VWCE: variants seen among roughly 807,000 people sequenced by gnomAD.
VWCE encodes von Willebrand factor C and EGF domain-containing protein.
In VWCE, 68 loss-of-function variants were observed where a neutral mutation model predicts 102.9. The ratio of observed to expected loss-of-function variants is 0.66; its 90% CI spans 0.54 to 0.81. VWCE has a LOEUF of 0.81. VWCE is among the 30% of genes least tolerant of loss of function. The probability of loss-of-function intolerance (pLI) is 0.00; values close to 1 mark genes in which losing one functional copy is unlikely to be tolerated. For synonymous variants in VWCE, 497 were observed against 515.4 expected (o/e 0.96, Z 0.48); for missense variants, 1,137 against 1,263.6 (o/e 0.90, Z 1.52).
rs770412521 is a variant in VWCE at position 61,290,883 on chromosome 11, T to G, written c.340A>C (p.Asn114His). ...GCCACCTCCTGACAGCCTCCATGGT[T>G]GCAGGTAAGGTCACAGCCGTACTCC... is the stretch of plus-strand genomic sequence containing the variant. ...CGEYGCDLTC[N>H]HGGCQEVARV... The change falls in exon 4 of 20, where the codon AAC (asparagine) becomes CAC (histidine). Residue 114 changes from asparagine (N) to histidine (H), a missense_variant. Coordinates refer to ENST00000335613, the MANE Select transcript of VWCE (RefSeq NM_152718.2). 3.1e-6 allele frequency: 5 copies of G among 1,613,820 alleles called. No individual in the cohort carries two copies. The highest frequency in any genetic ancestry group is 4.2e-6 in the Non-Finnish European group (5 of 1,180,028).
At position 61,276,528 on chromosome 11, in the gene VWCE, T is replaced by C. The variant is rs558359129; in HGVS notation, c.1495+65A>G. On this transcript the variant is annotated intron_variant, in intron 11 of 19. Transcript: ENST00000335613. ...AGGCTCAACACCAGCCTGGGCAACA[T>C]AGTGAGGTCTACAAAAAATCTAAAA... The C allele has an allele frequency of 4.3e-5, 51 of 1,194,832 alleles. No homozygotes were observed. The East Asian group carries it at 1.3e-3, about 31-fold the overall frequency. 74.0% of individuals were successfully genotyped at this position (1,194,832 alleles called of 1,614,324 possible). A position where few individuals can be genotyped will look rare whatever the true frequency, so the allele number is the denominator to read the frequency against.
intron 11 of VWCE, among the ~76,000 whole-genome samples, chr11:61,276,281 G>A (rs921553081): frequency 3.9e-5 from 6 of 151,914 alleles, no homozygotes; most frequent in African/African-American, 7.3e-5. Context: ...GGCAGCAGGC[G>A]CCTGTAATCC....
Position 61,294,800 on chromosome 11 carries a change from G to A in VWCE, c.110+128C>T. 1.8e-6 allele frequency: 1 copy of A among 549,912 alleles called. No homozygotes were observed. Among genetic ancestry groups the A allele is most frequent in the Non-Finnish European group, 2.9e-6 (1 of 348,616 alleles). The allele number at this position is 549,912 out of a possible 1,614,324, so 34.1% of individuals were successfully genotyped here. A position where few individuals can be genotyped will look rare whatever the true frequency, so the allele number is the denominator to read the frequency against. ...GCCGTCCCCGAGCTGTGCCCGCGCT[G>A]ATAGCACCCCAGAGGAAGCCCCGAC... On this transcript the variant is annotated intron_variant, in intron 1 of 19. Coordinates refer to ENST00000335613, the MANE Select transcript of VWCE (RefSeq NM_152718.2). This position sits in a 1 kb window ranked among gnomAD's most constrained non-coding sequence, Gnocchi z 6.3.
chr11:61,278,586 C>T, intron 9 of VWCE, 110 bp from the exon 10 acceptor site: 1 of 980,094 alleles, frequency 1.0e-6, no homozygotes, highest in Non-Finnish European at 1.6e-6. Context: ...CTCTCACTGC[C>T]CTAGGTGTCC....
rs1186898167 is a variant in VWCE at position 61,258,378 on chromosome 11, G to A, written c.*297C>T. ...CCAGTGAGTGGAATCCCAGCCGGAC[G>A]CAACTCTTCCTCCAGGAGAACTTGG... On this transcript the variant is annotated 3_prime_UTR_variant, in exon 20 of 20. Transcript: ENST00000335613. 15 of 265,730 alleles carry A rather than the reference G, an allele frequency of 5.6e-5. No individual in the cohort carries two copies. Among genetic ancestry groups the A allele is most frequent in the Admixed American group, 1.1e-4 (2 of 18,508 alleles). The allele number at this position is 265,730 out of a possible 1,614,324, so 16.5% of individuals were successfully genotyped here. A position where few individuals can be genotyped will look rare whatever the true frequency, so the allele number is the denominator to read the frequency against.
At chr11:61,266,900 G>GA (rs1854531657) in intron 16 of VWCE, among the ~76,000 whole-genome samples, 1 of 152,182 alleles carries the variant, frequency 6.6e-6, no homozygotes, top group African/African-American at 2.4e-5. Flanking sequence ...CCCTCATCAA[G>GA]AATCCCTAAG....
chr11:61,279,513 G>A lies in VWCE; in HGVS notation c.1325-1037C>T, dbSNP rs796973322. 6.0e-5 allele frequency among the ~76,000 whole-genome samples: 9 copies of A among 150,086 alleles called. No homozygotes were observed. In the South Asian group the frequency reaches 1.9e-3, roughly 32 times the overall value. ...AGAGGCGGAGGCTGCAGTGAGCCGA[G>A]ATCACACCACTGCACTCCAGCCTGG... On this transcript the variant is annotated intron_variant, in intron 9 of 19. Coordinates refer to ENST00000335613, the MANE Select transcript of VWCE (RefSeq NM_152718.2).
At chr11:61,282,520 GA>G in intron 6 of VWCE, 2 of 378,304 alleles carry the variant, frequency 5.3e-6, no homozygotes, top group South Asian at 1.1e-4. Flanking sequence ...GAGCAGAGAG[GA>G]ATCCTTGGGG....
chr11:61,289,110 T>C (rs1361724840), intron 4 of VWCE, among the ~76,000 whole-genome samples: 1 of 151,998 alleles, frequency 6.6e-6, no homozygotes, highest in East Asian at 1.9e-4. Context: ...AGTACTGAGA[T>C]TACAGCGGTG....
rs1437494798 is a variant in VWCE, at chr11:61,291,304, G to A, written c.255C>T (p.Val85=). The A allele has an allele frequency of 4.4e-6, 7 of 1,609,120 alleles. No homozygotes were observed. The African/African-American group carries it at 9.4e-5, about 22-fold the overall frequency. ...CGSGICIAPN[V]CSCQDGEQGA... is the part of the protein sequence containing the mutation. ...CTTGCTCTCCATCCTGGCAGGAGCA[G>A]ACATTGGGAGCGATGCAGATGCCAC... The change falls in exon 3 of 20, where the codon GTC becomes GTT. Residue 85 remains valine, a synonymous_variant. Transcript: ENST00000335613.
intron 16 of VWCE, among the ~76,000 whole-genome samples, chr11:61,266,313 G>A (rs993014831): frequency 3.3e-5 from 5 of 152,254 alleles, no homozygotes; most frequent in African/African-American, 9.6e-5. Flanking sequence ...GCCAAGGTGC[G>A]AGGATTGCCT....
chr11:61,269,110 G>T, intron 14 of VWCE, 92 bp from the exon 15 acceptor site: 1 of 1,205,694 alleles, frequency 8.3e-7, no homozygotes, highest in Non-Finnish European at 1.2e-6. Flanking sequence ...CTGCAAACTG[G>T]CCAAGGCTTG....
At chr11:61,266,453 T>A (rs559408436) in intron 16 of VWCE, among the ~76,000 whole-genome samples, 1 of 151,818 alleles carries the variant, frequency 6.6e-6, no homozygotes, top group African/African-American at 2.4e-5. Flanking sequence ...GAGGCTGACA[T>A]AGGAGGATCG....
intron 5 of VWCE, 80 bp from the exon 6 acceptor site, chr11:61,282,985 T>C (rs1855190904): frequency 8.3e-7 from 1 of 1,200,588 alleles, no homozygotes; most frequent in Non-Finnish European, 1.2e-6. Context: ...TCCTCCCTCA[T>C]CTCCATCTCC....
rs1855637622 is a variant in VWCE, at chr11:61,295,202, G to A, written c.-165C>T. On this transcript the variant is annotated 5_prime_UTR_variant, in exon 1 of 20. Transcript: ENST00000335613. This position sits in a 1 kb window ranked among gnomAD's most constrained non-coding sequence, Gnocchi z 4.6. ...GGGGGGCTTGGGACGCCGAGAGGAG[G>A]GGCCGAGGGCCGCGAGGGGACGCGG... The A allele has an allele frequency of 2.5e-6, 1 of 403,170 alleles. No homozygotes were observed. Among genetic ancestry groups the A allele is most frequent in the South Asian group, 1.3e-4 (1 of 7,884 alleles). 25.0% of individuals were successfully genotyped at this position (403,170 alleles called of 1,614,324 possible).
chr11:61,278,346 A>G (rs376869915), intron 10 of VWCE, 48 bp downstream of exon 10: 249 of 1,603,202 alleles, frequency 1.6e-4, no homozygotes, highest in Non-Finnish European at 1.9e-4. Flanking sequence ...AAAACCCCCA[A>G]AGGTTAAGAA....
chr11:61,281,375 G>A, intron 7 of VWCE, 140 bp from the exon 8 acceptor site: 1 of 1,036,926 alleles, frequency 9.6e-7, no homozygotes, highest in Non-Finnish European at 1.4e-6. Flanking sequence ...ATGTTTATGG[G>A]GACACTGTCG....
intron 13 of VWCE, among the ~76,000 whole-genome samples, chr11:61,272,015 C>T (rs184608000): frequency 1.3e-5 from 2 of 152,146 alleles, no homozygotes; most frequent in African/African-American, 4.8e-5. Flanking sequence ...CATACACATA[C>T]CGATACAAAT....
rs368320157 is a variant in VWCE at position 61,295,305 on chromosome 11, T to C, written c.-268A>G. ...AACGCCGCCCGCCTGCTGATGCCTCTCCGAGAGGCGCGGAGCCCGGGGCGG... is the reference window on the plus strand; with the variant it reads ...AACGCCGCCCGCCTGCTGATGCCTCCCCGAGAGGCGCGGAGCCCGGGGCGG... On this transcript the variant is annotated 5_prime_UTR_variant, in exon 1 of 20. Coordinates refer to ENST00000335613, the MANE Select transcript of VWCE (RefSeq NM_152718.2). This position sits in a 1 kb window ranked among gnomAD's most constrained non-coding sequence, Gnocchi z 4.6. 1.4e-3 allele frequency: 423 copies of C among 312,240 alleles called. 2 individuals carry two copies. The highest frequency in any genetic ancestry group is 8.4e-3 in the African/African-American group (387 of 46,330). The allele number at this position is 312,240 out of a possible 1,614,324, so 19.3% of individuals were successfully genotyped here.
Sources: gnomAD v4.1 joint callset for allele counts (sites outside exome capture counted in the v4.1 genomes callset) on GRCh38, gnomAD v4.1.1 for gene constraint, Gnocchi (gnomAD v3.1) non-coding constraint, MANE v1.5 for transcripts, NCBI Gene and HGNC (gene_info 2026-07-23, HGNC 2026-07-21) for gene names.